Variants in OSBPL6 observed in about 807,000 individuals in gnomAD.
The protein encoded by OSBPL6 is oxysterol-binding protein-related protein 6.
Under a neutral mutation model 125.8 loss-of-function variants are expected in OSBPL6, and 49 were observed. That is an observed-to-expected ratio of 0.39 (90% CI 0.31 to 0.49). The LOEUF (loss-of-function observed/expected upper bound fraction) is 0.49. OSBPL6 is among the 20% of genes least tolerant of loss of function. The pLI, the probability that OSBPL6 is intolerant of heterozygous loss-of-function variation, is 0.88. For synonymous variants in OSBPL6, 394 were observed against 391.8 expected (o/e 1.01, Z -0.07); for missense variants, 986 against 1,135.4 (o/e 0.87, Z 1.89).
chr2:178,266,173 A>AG (rs2092227498), intron 1 of OSBPL6, among the ~76,000 whole-genome samples: 1 of 152,206 alleles, frequency 6.6e-6, no homozygotes, highest in Non-Finnish European at 1.5e-5. Flanking sequence ...GGGGCAGATC[A>AG]CACTGAGATT....
At chr2:178,370,592 C>G (rs1693291185) in intron 13 of OSBPL6, among the ~76,000 whole-genome samples, 2 of 152,238 alleles carry the variant, frequency 1.3e-5, no homozygotes, top group Non-Finnish European at 2.9e-5. Context: ...TGAAAAGATA[C>G]TAGGAGTCTT....
chr2:178,354,233 A>G (rs1049153145), intron 12 of OSBPL6, among the ~76,000 whole-genome samples: 4 of 152,228 alleles, frequency 2.6e-5, no homozygotes, highest in Admixed American at 1.3e-4. Flanking sequence ...TTCACACATA[A>G]GAATATTAAC....
chr2:178,239,977 A>C (rs2091224724), intron 1 of OSBPL6, among the ~76,000 whole-genome samples: 1 of 152,140 alleles, frequency 6.6e-6, no homozygotes, highest in Non-Finnish European at 1.5e-5. Context: ...TTACACACAA[A>C]TTTAAGTATA....
At chr2:178,357,980 A>C (rs571903183) in intron 12 of OSBPL6, among the ~76,000 whole-genome samples, 1 of 152,322 alleles carries the variant, frequency 6.6e-6, no homozygotes, top group South Asian at 2.1e-4. Flanking sequence ...AAACTATCAC[A>C]AAGACAGAAA....
intron 1 of OSBPL6, among the ~76,000 whole-genome samples, chr2:178,209,754 C>A (rs2089749696): frequency 6.6e-6 from 1 of 151,814 alleles, no homozygotes; most frequent in South Asian, 2.1e-4. Context: ...TAAGGAAGCC[C>A]ACTCTCACTA....
In OSBPL6 at chr2:178,256,687, TAC is replaced by T. The variant is rs142618311; in HGVS notation, c.-350-28234_-350-28233del. Among the ~76,000 whole-genome samples the T allele has an allele frequency of 4.4e-3, 664 of 152,336 alleles. 15 individuals carry two copies. In the East Asian group the frequency reaches 0.068, roughly 16 times the overall value. ...TTCTGGAGCACGGCAAGTAGGCACT[TAC>T]ACACATTTATTTTTTGAAGATAAAA... On this transcript the variant is annotated intron_variant, in intron 1 of 24. Coordinates refer to ENST00000190611, the MANE Select transcript of OSBPL6 (RefSeq NM_032523.4).
At chr2:178,210,977 G>A (rs2089831774) in intron 1 of OSBPL6, among the ~76,000 whole-genome samples, 1 of 152,050 alleles carries the variant, frequency 6.6e-6, no homozygotes, top group African/African-American at 2.4e-5. Flanking sequence ...ATACTACATG[G>A]ATAGAGCAAG....
At chr2:178,301,943 TG>T (rs1378473269) in intron 2 of OSBPL6, among the ~76,000 whole-genome samples, 1 of 152,196 alleles carries the variant, frequency 6.6e-6, no homozygotes, top group Non-Finnish European at 1.5e-5. Flanking sequence ...CCTAACCTAC[TG>T]GTGCCTTGAT....
At chr2:178,344,269 C>T (rs773314103) in intron 11 of OSBPL6, 10 of 1,610,900 alleles carry the variant, frequency 6.2e-6, no homozygotes, top group South Asian at 1.1e-5. Flanking sequence ...CTCCCCTCTT[C>T]TCCCATTCAC....
At chr2:178,228,961 T>C (rs935888428) in intron 1 of OSBPL6, among the ~76,000 whole-genome samples, 3 of 152,262 alleles carry the variant, frequency 2.0e-5, no homozygotes, top group Admixed American at 6.5e-5. Flanking sequence ...CTAGGTAATT[T>C]ATACAGAAAA....
At chr2:178,364,337 T>G (rs1692617269) in intron 13 of OSBPL6, among the ~76,000 whole-genome samples, 1 of 152,226 alleles carries the variant, frequency 6.6e-6, no homozygotes, top group Non-Finnish European at 1.5e-5. Context: ...TTCTGCATAT[T>G]AGAAAGATTA....
chr2:178,310,566 C>T (rs1348914311), intron 3 of OSBPL6, among the ~76,000 whole-genome samples: 1 of 151,638 alleles, frequency 6.6e-6, no homozygotes, highest in African/African-American at 2.4e-5. Context: ...TACAGGTGCC[C>T]GCCACCGCAC....
chr2:178,243,990 G>C (rs1166917247), intron 1 of OSBPL6, among the ~76,000 whole-genome samples: 1 of 152,010 alleles, frequency 6.6e-6, no homozygotes, highest in African/African-American at 2.4e-5. Context: ...TCCTTTTTCT[G>C]CTCTGTTTAA....
At chr2:178,290,238 T>C (rs887737747) in intron 2 of OSBPL6, among the ~76,000 whole-genome samples, 3 of 152,188 alleles carry the variant, frequency 2.0e-5, no homozygotes, top group Admixed American at 1.3e-4. Context: ...ACAGTTCATA[T>C]AGGAAGGGCA....
At chr2:178,207,632 A>C (rs931223162) in intron 1 of OSBPL6, among the ~76,000 whole-genome samples, 6 of 152,128 alleles carry the variant, frequency 3.9e-5, no homozygotes, top group Admixed American at 3.9e-4. Context: ...TGCAGAAGTA[A>C]ATTTGGGAAC....
chr2:178,355,163 C>A (rs1691661351), intron 12 of OSBPL6, among the ~76,000 whole-genome samples: 3 of 152,072 alleles, frequency 2.0e-5, no homozygotes, highest in Non-Finnish European at 4.4e-5. Flanking sequence ...ACCCTAACAT[C>A]ACAATTAAAA....
intron 11 of OSBPL6, among the ~76,000 whole-genome samples, chr2:178,340,197 A>G (rs1470347923): frequency 6.6e-6 from 1 of 152,082 alleles, no homozygotes; most frequent in Non-Finnish European, 1.5e-5. Flanking sequence ...TCAATAGATT[A>G]GAAATCAGCA....
At chr2:178,365,567 T>C (rs1000427638) in intron 13 of OSBPL6, among the ~76,000 whole-genome samples, 1 of 151,998 alleles carries the variant, frequency 6.6e-6, no homozygotes, top group Admixed American at 6.6e-5. Flanking sequence ...TCCCAGCTAC[T>C]TGGGAGGCTG....
intron 12 of OSBPL6, among the ~76,000 whole-genome samples, chr2:178,358,631 G>A (rs543355924): frequency 6.6e-6 from 1 of 152,200 alleles, no homozygotes; most frequent in Non-Finnish European, 1.5e-5. Context: ...TGTAAGACCT[G>A]AAACTATAAA....
Sources: gnomAD v4.1 joint callset for allele counts (sites outside exome capture counted in the v4.1 genomes callset) on GRCh38, gnomAD v4.1.1 for gene constraint, MANE v1.5 for transcripts, NCBI Gene and HGNC (gene_info 2026-07-23, HGNC 2026-07-21) for gene names.